EML6: variants seen among roughly 807,000 people sequenced by gnomAD.
The protein encoded by EML6 is EMAP like 6, also known as echinoderm microtubule-associated protein-like 6.
In EML6, 154 loss-of-function variants were observed where a neutral mutation model predicts 240.1. The observed-to-expected ratio is 0.64, with a 90% CI of 0.56 to 0.73. The LOEUF (loss-of-function observed/expected upper bound fraction) is 0.73. Ranked by LOEUF, EML6 falls within the 30% of genes least tolerant of loss-of-function variation. EML6 has a pLI of 0.00. For missense variants in EML6, 2,964 were observed against 2,474.6 expected (o/e 1.20, Z -4.20); for synonymous variants, 1,148 against 899.0 (o/e 1.28, Z -4.95).
intron 2 of EML6, among the ~76,000 whole-genome samples, chr2:54,794,624 C>T (rs577249522): frequency 6.6e-6 from 1 of 152,234 alleles, no homozygotes; most frequent in East Asian, 1.9e-4. Flanking sequence ...CTTATCTTAC[C>T]AATGGCCCTT....
At chr2:54,760,822 ATTTTTTTTT>A (rs200476039) in intron 2 of EML6, among the ~76,000 whole-genome samples, 92 of 120,406 alleles carry the variant, frequency 7.6e-4, no homozygotes, top group East Asian at 8.6e-4. Context: ...TTGAGGGAGC[ATTTTTTTTT>A]TTTTTTTTTT....
At chr2:54,851,448 G>C (rs992992805) in intron 10 of EML6, among the ~76,000 whole-genome samples, 1 of 152,008 alleles carries the variant, frequency 6.6e-6, no homozygotes, top group South Asian at 2.1e-4. Flanking sequence ...TAGAAAAAAA[G>C]CCCAATGGAT....
At chr2:54,910,619 G>GA (rs1175461714) in intron 24 of EML6, among the ~76,000 whole-genome samples, 2 of 152,040 alleles carry the variant, frequency 1.3e-5, no homozygotes, top group Non-Finnish European at 2.9e-5. Context: ...AGGCAACTGG[G>GA]AAAAACAGGG....
chr2:54,749,646 A>G (rs1401174291), intron 2 of EML6, among the ~76,000 whole-genome samples: 2 of 152,166 alleles, frequency 1.3e-5, no homozygotes, highest in Non-Finnish European at 2.9e-5. Context: ...TAATGCTCAC[A>G]AAAAATTTTT....
chr2:54,871,708 C>A, intron 16 of EML6, 103 bp downstream of exon 16: 1 of 802,204 alleles, frequency 1.2e-6, no homozygotes, highest in Non-Finnish European at 2.1e-6. Context: ...TGTATTTAAA[C>A]ATGCTCCCAC....
Position 54,850,208 on chromosome 2 carries a change from C to T in EML6, c.1434C>T (p.Tyr478=), listed in dbSNP as rs1397517418. ...ACGGTGCAGGAGAACGATTGTTCTA[C>T]AGAATGCCATGTAAGTCATGTGGAG... ...TNDGAGERLF[Y]RMPSGKPLTS... is the part of the protein sequence containing the mutation. The change falls in exon 10 of 42, where the codon TAC becomes TAT. Residue 478 remains tyrosine (Y), a synonymous_variant. Coordinates refer to ENST00000356458, the MANE Select transcript of EML6 (RefSeq NM_001039753.4). 4 of 1,551,216 alleles carry T rather than the reference C, an allele frequency of 2.6e-6. No individual in the cohort carries two copies. Among genetic ancestry groups the T allele is most frequent in the East Asian group, 2.4e-5 (1 of 40,904 alleles).
intron 2 of EML6, among the ~76,000 whole-genome samples, chr2:54,750,624 CTCATTCTTTCCTTCTGCT>C (rs1684118576): frequency 6.6e-6 from 1 of 152,136 alleles, no homozygotes; most frequent in African/African-American, 2.4e-5. Flanking sequence ...GGTCGTTGGC[CTCATTCTTTCCTTCTGCT>C]GGCCGATTTT....
Position 54,970,674 on chromosome 2 carries a change from C to T in EML6, c.*579C>T, listed in dbSNP as rs1451950108. The T allele has an allele frequency of 6.5e-6, 1 of 153,526 alleles. No individual in the cohort carries two copies. The highest frequency in any genetic ancestry group is 1.5e-5 in the Non-Finnish European group (1 of 68,894). 9.5% of individuals were successfully genotyped at this position (153,526 alleles called of 1,614,324 possible). On this transcript the variant is annotated 3_prime_UTR_variant, in exon 42 of 42. Coordinates refer to ENST00000356458, the MANE Select transcript of EML6 (RefSeq NM_001039753.4). ...ATGTTTCATTTGCAGAGTTTTATATCCATTAAGTGCCTTTGAAAGTTTCCA... is the reference window on the plus strand; with the variant it reads ...ATGTTTCATTTGCAGAGTTTTATATTCATTAAGTGCCTTTGAAAGTTTCCA...
chr2:54,961,184 G>GTTGTTTCTTTT, intron 35 of EML6, among the ~76,000 whole-genome samples: 1 of 55,424 alleles, frequency 1.8e-5, no homozygotes, highest in Non-Finnish European at 3.2e-5. Flanking sequence ...TCAGGAAGTA[G>GTTGTTTCTTTT]TTTTTTTTTT....
At chr2:54,893,439 C>A (rs540281062) in intron 19 of EML6, among the ~76,000 whole-genome samples, 30 of 152,140 alleles carry the variant, frequency 2.0e-4, no homozygotes, top group African/African-American at 6.7e-4. Context: ...AGTAATGAAC[C>A]CACTCCTACA....
intron 7 of EML6, among the ~76,000 whole-genome samples, chr2:54,832,104 A>G (rs1274808855): frequency 1.3e-5 from 2 of 152,184 alleles, no homozygotes; most frequent in South Asian, 2.1e-4. Context: ...TCAAGCATCA[A>G]AAGAGATGCC....
intron 2 of EML6, among the ~76,000 whole-genome samples, chr2:54,743,392 A>G (rs763804827): frequency 3.3e-5 from 5 of 152,252 alleles, no homozygotes; most frequent in Non-Finnish European, 7.3e-5. Flanking sequence ...TTTCTCATCA[A>G]TGTTGTAACA....
chr2:54,960,637 A>G (rs951032397), intron 35 of EML6, among the ~76,000 whole-genome samples: 5 of 152,196 alleles, frequency 3.3e-5, no homozygotes, highest in African/African-American at 1.2e-4. Flanking sequence ...ATATAGTCCC[A>G]TTCAGGAGAT....
chr2:54,899,600 G>A (rs1432899789), intron 21 of EML6, 41 bp from the exon 22 acceptor site: 1 of 1,542,136 alleles, frequency 6.5e-7, no homozygotes, highest in Admixed American at 2.0e-5. Flanking sequence ...TAGCCAAACA[G>A]CATAAGTAGA....
intron 2 of EML6, among the ~76,000 whole-genome samples, chr2:54,781,202 C>A (rs1003381597): frequency 6.6e-6 from 1 of 152,162 alleles, no homozygotes; most frequent in African/African-American, 2.4e-5. Context: ...GTATCTTGCC[C>A]AGGGACACAC....
At chr2:54,875,883 AT>A (rs561807821) in intron 16 of EML6, among the ~76,000 whole-genome samples, 52 of 152,272 alleles carry the variant, frequency 3.4e-4, no homozygotes, top group Admixed American at 3.1e-3. Flanking sequence ...CAACCATATA[AT>A]TTTTTTAAAA....
chr2:54,797,442 A>G (rs897516819), intron 2 of EML6, among the ~76,000 whole-genome samples: 1 of 152,064 alleles, frequency 6.6e-6, no homozygotes, highest in Non-Finnish European at 1.5e-5. Flanking sequence ...ACCTTAAACA[A>G]ATTAAGTCAT....
At chr2:54,930,026 A>G (rs900626156) in intron 28 of EML6, among the ~76,000 whole-genome samples, 1 of 152,208 alleles carries the variant, frequency 6.6e-6, no homozygotes, top group African/African-American at 2.4e-5. Context: ...GTGCATGAAT[A>G]GGCCTCCCAC....
intron 5 of EML6, among the ~76,000 whole-genome samples, chr2:54,821,744 C>G (rs1475475338): frequency 6.6e-6 from 1 of 152,036 alleles, no homozygotes; most frequent in Non-Finnish European, 1.5e-5. Context: ...AATAGCATCT[C>G]TAACTGGCAG....
Sources: gnomAD v4.1 joint callset for allele counts (sites outside exome capture counted in the v4.1 genomes callset) on GRCh38, gnomAD v4.1.1 for gene constraint, MANE v1.5 for transcripts, NCBI Gene and HGNC (gene_info 2026-07-23, HGNC 2026-07-21) for gene names.